KMT2C: variants seen among roughly 807,000 people sequenced by gnomAD.
KMT2C encodes lysine methyltransferase 2C.
KMT2C carries 88 observed loss-of-function variants against 507.9 expected under a neutral mutation model. The ratio of observed to expected loss-of-function variants is 0.17; its 90% CI spans 0.15 to 0.21. The LOEUF is 0.21. Ranked by LOEUF, KMT2C falls within the 10% of genes least tolerant of loss-of-function variation. The pLI is 1.00. For synonymous variants in KMT2C, 2,049 were observed against 2,080.8 expected (o/e 0.98, Z 0.42); for missense variants, 4,954 against 5,957.8 (o/e 0.83, Z 5.55).
chr7:152,184,454 T>C (rs918004950), intron 34 of KMT2C, among the ~76,000 whole-genome samples: 1 of 152,238 alleles, frequency 6.6e-6, no homozygotes, highest in Admixed American at 6.5e-5. Flanking sequence ...TAATTTACCA[T>C]ATGAACTGCG....
intron 1 of KMT2C, among the ~76,000 whole-genome samples, chr7:152,386,283 G>T (rs2097425570): frequency 6.6e-6 from 1 of 152,304 alleles, no homozygotes; most frequent in Non-Finnish European, 1.5e-5. Context: ...AGTTAAGATG[G>T]TTATAACATA....
chr7:152,330,485 A>G, intron 3 of KMT2C, 116 bp downstream of exon 3: 1 of 1,035,840 alleles, frequency 9.7e-7, no homozygotes, highest in Non-Finnish European at 1.4e-6. Context: ...CTACTAAATC[A>G]TAAAATCCCA....
chr7:152,257,713 C>T (rs996478570), intron 9 of KMT2C, among the ~76,000 whole-genome samples: 2 of 152,040 alleles, frequency 1.3e-5, no homozygotes, highest in African/African-American at 2.4e-5. Flanking sequence ...CTAAGTTATG[C>T]ATATGTATAT....
At chr7:152,257,277 T>C (rs2095676187) in intron 9 of KMT2C, among the ~76,000 whole-genome samples, 2 of 152,124 alleles carry the variant, frequency 1.3e-5, no homozygotes, top group South Asian at 2.1e-4. Flanking sequence ...ATACACAACA[T>C]GCTACCTTCA....
Position 152,138,827 on chromosome 7 carries a change from C to T in KMT2C, c.14612G>A (p.Ser4871Asn), listed in dbSNP as rs746423251. The T allele has an allele frequency of 6.2e-7, 1 of 1,610,504 alleles. No individual in the cohort carries two copies. Among genetic ancestry groups the T allele is most frequent in the Non-Finnish European group, 8.5e-7 (1 of 1,178,670 alleles). The stretch of plus-strand genomic sequence containing the variant: ...TCCTTTCTGGATTCTCCGACTGGAG[C>T]TGATGATAATTTTGTGTCCTCTCTC... ...TFERGHKIII[S>N]SSRRIQKGEE... Residue 4871 changes from serine (S) to asparagine (N), a missense_variant, in exon 58 of 59, where the codon AGC (serine) becomes AAC (asparagine). By Grantham distance (46) the Ser-to-Asn change is conservative. This residue lies in a region of KMT2C where 133 missense variants were observed against 258.9 expected (regional missense o/e 0.51). Transcript: ENST00000262189. The surrounding 1 kb of genome is among the most constrained non-coding windows in gnomAD (Gnocchi z 4.2).
At chr7:152,173,206 T>G (rs1453312653) in intron 39 of KMT2C, among the ~76,000 whole-genome samples, 6 of 152,206 alleles carry the variant, frequency 3.9e-5, no homozygotes, top group Non-Finnish European at 7.4e-5. Context: ...ATTATACCCT[T>G]AAGAATTCAA....
At chr7:152,169,375 T>G in intron 40 of KMT2C, 126 bp from the exon 41 acceptor site, 1 of 630,152 alleles carries the variant, frequency 1.6e-6, no homozygotes, top group Admixed American at 2.9e-5. Context: ...AAGATATCTT[T>G]TAAAGGTTTT....
At chr7:152,152,596 G>A (rs555521266) in intron 49 of KMT2C, 109 bp downstream of exon 49, 26 of 1,332,486 alleles carry the variant, frequency 2.0e-5, no homozygotes, top group East Asian at 4.6e-5. Flanking sequence ...AGGACTATAC[G>A]CCAGCATGTT....
rs1189049612 is a variant in KMT2C at position 152,238,795 on chromosome 7, G to T, written c.2564C>A (p.Pro855Gln). 1.9e-6 allele frequency: 3 copies of T among 1,608,686 alleles called. No individual in the cohort carries two copies. Among genetic ancestry groups the T allele is most frequent in the Non-Finnish European group, 2.5e-6 (3 of 1,178,218 alleles). ...TGAAATGTCTGGGGACCAGGAAGGTGGGCTCACTGTATTATGGGTACTCCA... is the reference window on the plus strand; with the variant it reads ...TGAAATGTCTGGGGACCAGGAAGGTTGGCTCACTGTATTATGGGTACTCCA... ...GAWSTHNTVS[P>Q]PSWSPDISEG... Residue 855 changes from proline to glutamine, a missense_variant, in exon 15 of 59, where the codon CCA becomes CAA. Around this residue, in one of 29 missense-constraint regions of KMT2C, gnomAD observed 62 missense variants for 137.2 expected, o/e 0.45. Coordinates refer to ENST00000262189, the MANE Select transcript of KMT2C (RefSeq NM_170606.3).
rs148811550 is a variant in KMT2C at position 152,145,287 on chromosome 7, C to A, written c.14040G>T (p.Gly4680=). ...AGGTATAATTTTCACATGCCTCAACCCCAGGAAGCTGAAAAGAAGCAAAGC... is the reference window on the plus strand; with the variant it reads ...AGGTATAATTTTCACATGCCTCAACACCAGGAAGCTGAAAAGAAGCAAAGC... The part of the protein sequence containing the change: ...AVARIAESLP[G]VEACENYTFR... Residue 4680 remains glycine (G), a synonymous_variant, in exon 54 of 59, where the codon GGG becomes GGT. Coordinates refer to ENST00000262189, the MANE Select transcript of KMT2C (RefSeq NM_170606.3). 377 of 1,613,744 alleles carry A rather than the reference C, an allele frequency of 2.3e-4. No individual in the cohort carries two copies. The highest frequency in any genetic ancestry group is 3.0e-4 in the Non-Finnish European group (351 of 1,179,896).
intron 53 of KMT2C, 148 bp from the exon 54 acceptor site, chr7:152,145,443 A>AC: frequency 1.3e-6 from 1 of 763,834 alleles, no homozygotes; most frequent in South Asian, 1.9e-5. Context: ...TGTTAACACT[A>AC]TTGGCCTGCA....
At chr7:152,281,888 AAGG>A (rs1410827568) in intron 6 of KMT2C, among the ~76,000 whole-genome samples, 1 of 152,218 alleles carries the variant, frequency 6.6e-6, no homozygotes. Flanking sequence ...AACTGAACTC[AAGG>A]AGTTCATAAT....
chr7:152,244,858 C>T (rs2095443902), intron 14 of KMT2C, among the ~76,000 whole-genome samples: 2 of 151,962 alleles, frequency 1.3e-5, no homozygotes, highest in Admixed American at 1.3e-4. Context: ...AGAAAATAAG[C>T]ATCATATTTC....
Position 152,146,705 on chromosome 7 carries a change from G to A in KMT2C, c.13925C>T (p.Ala4642Val), listed in dbSNP as rs1007351478. ...CATTTCAGACTTTTTTCTCACACATGCCACAGGCTCCAAAATCTTATCCCA... is the reference window on the plus strand; with the variant it reads ...CATTTCAGACTTTTTTCTCACACATACCACAGGCTCCAAAATCTTATCCCA... Reference protein sequence around the residue: ...GVWDKILEPVACVRKKSEMLQ... With the variant: ...GVWDKILEPVVCVRKKSEMLQ... The change falls in exon 53 of 59, where the codon GCA becomes GTA. Residue 4642 changes from alanine (A) to valine (V), a missense_variant. Around this residue, in one of 29 missense-constraint regions of KMT2C, gnomAD observed 221 missense variants for 304.7 expected, o/e 0.73. Transcript: ENST00000262189. 1 of 1,613,932 alleles carries A rather than the reference G, an allele frequency of 6.2e-7. No homozygotes were observed. The highest frequency in any genetic ancestry group is 8.5e-7 in the Non-Finnish European group (1 of 1,179,894).
At chr7:152,169,811 G>C (rs758089086) in intron 40 of KMT2C, among the ~76,000 whole-genome samples, 10 of 152,000 alleles carry the variant, frequency 6.6e-5, no homozygotes, top group Non-Finnish European at 1.5e-4. Flanking sequence ...GGTGTTTGAG[G>C]CCAGCCTGGG....
chr7:152,237,557 G>T (rs1293873001), intron 15 of KMT2C, among the ~76,000 whole-genome samples: 2 of 152,212 alleles, frequency 1.3e-5, no homozygotes, highest in Non-Finnish European at 2.9e-5. Context: ...GAGTGCAATG[G>T]TGCGATCTTG....
Position 152,182,006 on chromosome 7 carries a change from A to G in KMT2C, c.5854T>C (p.Leu1952=), listed in dbSNP as rs1588003731. ...TANRPSPVRD[L]CSSSTTNNDP... is the part of the protein sequence containing the mutation. The stretch of plus-strand genomic sequence containing the variant: ...TTATTTGTCGTGGAAGAAGAACATA[A>G]ATCTCTGACAGGGGATGGCCTATTT... The change falls in exon 36 of 59, where the codon TTA becomes CTA. Residue 1952 remains leucine, a synonymous_variant. Transcript: ENST00000262189. 3.7e-6 allele frequency: 6 copies of G among 1,614,162 alleles called. No homozygotes were observed. In the East Asian group the frequency reaches 1.3e-4, roughly 36 times the overall value.
In KMT2C at chr7:152,222,081, A is replaced by G. The variant is rs1359529199; in HGVS notation, c.3434-15T>C. The G allele has an allele frequency of 5.1e-6, 8 of 1,571,162 alleles. No homozygotes were observed. The highest frequency in any genetic ancestry group is 1.7e-4 in the Middle Eastern group (1 of 5,926). ...TGAGGAAGGCACTGAAACGAAAAAA[A>G]AAAATCCAGGTAATTCTTTTCAGAA... On this transcript the variant is annotated splice_polypyrimidine_tract_variant and intron_variant, in intron 21 of 58. Coordinates refer to ENST00000262189, the MANE Select transcript of KMT2C (RefSeq NM_170606.3).
intron 2 of KMT2C, among the ~76,000 whole-genome samples, chr7:152,333,223 C>A (rs2096900773): frequency 6.6e-6 from 1 of 152,054 alleles, no homozygotes; most frequent in African/African-American, 2.4e-5. Context: ...CATTCGCATT[C>A]TTGGGCTCAA....
Sources: allele counts gnomAD v4.1 joint callset (sites outside exome capture counted in the v4.1 genomes callset), GRCh38; gene constraint gnomAD v4.1.1; regional missense constraint gnomAD v4.1.1; non-coding constraint Gnocchi (gnomAD v3.1); transcripts MANE v1.5; gene names NCBI Gene and HGNC (gene_info 2026-07-23, HGNC 2026-07-21).